Variants in TMCC1 observed in about 807,000 individuals in gnomAD.
TMCC1 encodes transmembrane and coiled-coil domains protein 1.
TMCC1 carries 15 observed loss-of-function variants against 52.4 expected under a neutral mutation model. The ratio of observed to expected loss-of-function variants is 0.29; its 90% confidence interval spans 0.19 to 0.44. TMCC1 has a LOEUF of 0.44. TMCC1 is among the 20% of genes least tolerant of loss of function. TMCC1 has a pLI of 1.00. For synonymous variants in TMCC1, 279 were observed against 301.9 expected, an observed-to-expected ratio of 0.92 and a Z score of 0.79; for missense variants, 503 against 806.0, an observed-to-expected ratio of 0.62 and a Z score of 4.55.
At chr3:129,801,047 C>T (rs569147653) in intron 4 of TMCC1, among the ~76,000 whole-genome samples, 7 of 151,620 alleles carry the variant, frequency 4.6e-5, no homozygotes, top group Admixed American at 3.3e-4. Context: ...CCTCAGCCTC[C>T]GGAGCAGCAG....
At chr3:129,714,540 GTATATAA>G (rs1318759599) in intron 4 of TMCC1, among the ~76,000 whole-genome samples, 1 of 152,080 alleles carries the variant, frequency 6.6e-6, no homozygotes, top group Non-Finnish European at 1.5e-5. Context: ...GGCCCATTTG[GTATATAA>G]TATGACAACC....
At chr3:129,675,991 C>G (rs113948800) in intron 4 of TMCC1, among the ~76,000 whole-genome samples, 6,745 of 146,308 alleles carry the variant, frequency 0.046, 232 homozygotes, top group Middle Eastern at 0.14. Context: ...GAGCCGAGAT[C>G]GCGCCACTGC....
intron 4 of TMCC1, among the ~76,000 whole-genome samples, chr3:129,678,121 T>C (rs548064015): frequency 1.0e-3 from 152 of 152,176 alleles, no homozygotes; most frequent in African/African-American, 3.4e-3. Context: ...GGTTTTGCCA[T>C]GTTGGCCAGG....
intron 4 of TMCC1, among the ~76,000 whole-genome samples, chr3:129,785,933 CTTTTT>C (rs11391336): frequency 1.6e-5 from 2 of 127,616 alleles, no homozygotes; most frequent in South Asian, 2.6e-4. Context: ...CCCTCACCCC[CTTTTT>C]TTTTTTTTTT....
At chr3:129,690,302 A>AC (rs1576460263) in intron 4 of TMCC1, among the ~76,000 whole-genome samples, 1 of 152,138 alleles carries the variant, frequency 6.6e-6, no homozygotes, top group East Asian at 1.9e-4. Flanking sequence ...TTTTAAATAT[A>AC]CCGAGCTACT....
intron 4 of TMCC1, among the ~76,000 whole-genome samples, chr3:129,679,521 G>A (rs932445083): frequency 6.6e-6 from 1 of 152,036 alleles, no homozygotes; most frequent in African/African-American, 2.4e-5. Context: ...GGCCAGGATG[G>A]TCTTGAACTC....
At chr3:129,830,649 T>C (rs192708746) in intron 3 of TMCC1, among the ~76,000 whole-genome samples, 7 of 152,308 alleles carry the variant, frequency 4.6e-5, no homozygotes, top group East Asian at 3.9e-4. Context: ...AACTGATTTT[T>C]GTTGTTGTTG....
chr3:129,856,006 A>ATAC (rs35905880), intron 2 of TMCC1, among the ~76,000 whole-genome samples: 13,937 of 152,052 alleles, frequency 0.092, 2,076 homozygotes, highest in African/African-American at 0.32. Context: ...AAGTTTAGTA[A>ATAC]TACTATACCA....
In TMCC1 at chr3:129,675,679, C is replaced by A. The variant is rs1344733814; in HGVS notation, c.577-4415G>T. Among the ~76,000 whole-genome samples the A allele has an allele frequency of 3.9e-5, 6 of 152,146 alleles. No homozygotes were observed. The South Asian group carries it at 1.2e-3, about 32-fold the overall frequency. On this transcript the variant is annotated intron_variant, in intron 4 of 6. Transcript: ENST00000393238. ...AACATTACAATAAAAGTAATATAGT[C>A]ACCTATGCTAGATATAGTTGGCCTC...
intron 4 of TMCC1, among the ~76,000 whole-genome samples, chr3:129,725,082 T>C (rs979036101): frequency 9.9e-5 from 15 of 152,244 alleles, no homozygotes; most frequent in Admixed American, 3.3e-4. Flanking sequence ...TCTACATTTG[T>C]ACCCAAAAAC....
chr3:129,675,879 T>C (rs908484178), intron 4 of TMCC1, among the ~76,000 whole-genome samples: 3 of 151,420 alleles, frequency 2.0e-5, no homozygotes, highest in African/African-American at 7.3e-5. Flanking sequence ...CTACTAAAAA[T>C]ACAAAAAATT....
intron 4 of TMCC1, among the ~76,000 whole-genome samples, chr3:129,812,031 C>T (rs1247522111): frequency 6.6e-6 from 1 of 150,518 alleles, no homozygotes; most frequent in East Asian, 2.0e-4. Flanking sequence ...TACAGAAGGG[C>T]TTTTACCTTT....
chr3:129,697,086 G>A (rs972713796), intron 4 of TMCC1, among the ~76,000 whole-genome samples: 2 of 152,240 alleles, frequency 1.3e-5, no homozygotes, highest in African/African-American at 4.8e-5. Flanking sequence ...CAGTGCCCCA[G>A]TGGGGACTCT....
rs185321396 is a variant in TMCC1 at position 129,766,830 on chromosome 3, G to C, written c.576+60973C>G. Reference sequence around the variant, plus strand: ...GATAAGGTTTTGCCATGTTGCCCAGGCTGGTCTCAAACTCCTGGGTTCAAG... The same window carrying C: ...GATAAGGTTTTGCCATGTTGCCCAGCCTGGTCTCAAACTCCTGGGTTCAAG... On this transcript the variant is annotated intron_variant, in intron 4 of 6. Coordinates refer to ENST00000393238, the MANE Select transcript of TMCC1 (RefSeq NM_001017395.5). Among the ~76,000 whole-genome samples, 214 of 152,048 alleles carry C rather than the reference G, an allele frequency of 1.4e-3. 3 individuals carry two copies. The highest frequency in any genetic ancestry group is 6.2e-4 in the Non-Finnish European group (42 of 67,984).
intron 4 of TMCC1, among the ~76,000 whole-genome samples, chr3:129,818,278 A>G (rs1029088455): frequency 9.2e-5 from 14 of 152,118 alleles, no homozygotes; most frequent in Admixed American, 2.0e-4. Flanking sequence ...GAAAAATACA[A>G]AACTTCTTTA....
chr3:129,705,746 C>T (rs1386771261), intron 4 of TMCC1, among the ~76,000 whole-genome samples: 1 of 151,624 alleles, frequency 6.6e-6, no homozygotes, highest in East Asian at 1.9e-4. Context: ...GCGCCCGCCA[C>T]CACGCCCACC....
chr3:129,787,923 TCACATTATGAACTTGTAA>T (rs2056155945), intron 4 of TMCC1, among the ~76,000 whole-genome samples: 1 of 152,224 alleles, frequency 6.6e-6, no homozygotes. Flanking sequence ...AAATTTACTT[TCACATTATGAACTTGTAA>T]CACATTTGAA....
At chr3:129,820,816 T>C (rs1397817943) in intron 4 of TMCC1, among the ~76,000 whole-genome samples, 1 of 152,218 alleles carries the variant, frequency 6.6e-6, no homozygotes. Context: ...CACCAGATTA[T>C]AGGCCAGTAA....
intron 4 of TMCC1, among the ~76,000 whole-genome samples, chr3:129,735,489 A>T (rs1243594809): frequency 6.6e-6 from 1 of 151,912 alleles, no homozygotes; most frequent in East Asian, 1.9e-4. Context: ...CAAAAAAGGA[A>T]AAAGAAAAAA....
Sources: allele counts gnomAD v4.1 joint callset (sites outside exome capture counted in the v4.1 genomes callset), GRCh38; gene constraint gnomAD v4.1.1; transcripts MANE v1.5; gene names NCBI Gene and HGNC (gene_info 2026-07-23, HGNC 2026-07-21).